Variants in FBXO28 observed in about 807,000 individuals in gnomAD.
The protein encoded by FBXO28 is F-box protein 28, also known as F-box only protein 28.
Under a neutral mutation model 38.1 loss-of-function variants are expected in FBXO28, and 8 were observed. The ratio of observed to expected loss-of-function variants is 0.21; its 90% CI spans 0.12 to 0.38. The LOEUF is 0.38. FBXO28 is among the 10% of genes least tolerant of loss of function. The pLI, the probability that FBXO28 is intolerant of heterozygous loss-of-function variation, is 1.00. For missense variants in FBXO28, 345 were observed against 460.6 expected (o/e 0.75, Z 2.30); for synonymous variants, 168 against 173.8 (o/e 0.97, Z 0.26).
At position 224,114,365 on chromosome 1, in the gene FBXO28, T is replaced by A. The variant is rs969332753; in HGVS notation, c.236T>A (p.Met79Lys). ...IVAIENILSF[M>K]SYDEISQLRL... Reference sequence around the variant, plus strand: ...GCCATCGAGAACATCCTCAGCTTTATGTCCTACGACGAAATTAGCCAGCTC... The same window carrying A: ...GCCATCGAGAACATCCTCAGCTTTAAGTCCTACGACGAAATTAGCCAGCTC... Residue 79 changes from methionine (M) to lysine (K), a missense_variant, in exon 1 of 5, where the codon ATG (methionine) becomes AAG (lysine). Around this residue, in one of 6 missense-constraint regions of FBXO28, gnomAD observed 56 missense variants for 99.8 expected, o/e 0.56. Coordinates refer to ENST00000366862, the MANE Select transcript of FBXO28 (RefSeq NM_015176.4). The A allele has an allele frequency of 4.4e-6, 7 of 1,597,404 alleles. No homozygotes were observed. The highest frequency in any genetic ancestry group is 6.0e-6 in the Non-Finnish European group (7 of 1,171,642).
Position 224,130,587 on chromosome 1 carries a change from T to C in FBXO28, c.377+6T>C, listed in dbSNP as rs748611739. 2.5e-6 allele frequency: 4 copies of C among 1,580,364 alleles called. No homozygotes were observed. Among genetic ancestry groups the C allele is most frequent in the Non-Finnish European group, 2.6e-6 (3 of 1,150,062 alleles). ...GTTAAAGCACAACTCCCAAGGTATG[T>C]TGTGGGTGGCAATGACAATGATGTA... is the stretch of plus-strand genomic sequence containing the variant. On this transcript the variant is annotated splice_donor_region_variant and intron_variant, in intron 2 of 4. Coordinates refer to ENST00000366862, the MANE Select transcript of FBXO28 (RefSeq NM_015176.4).
chr1:224,120,988 T>C (rs1373760429), intron 1 of FBXO28, among the ~76,000 whole-genome samples: 2 of 152,028 alleles, frequency 1.3e-5, no homozygotes, highest in African/African-American at 4.8e-5. Flanking sequence ...GAGAGGAGAT[T>C]AGAACTTTTT....
chr1:224,147,361 T>G (rs1407670453), intron 3 of FBXO28, among the ~76,000 whole-genome samples: 2 of 148,898 alleles, frequency 1.3e-5, no homozygotes, highest in Admixed American at 6.8e-5. Flanking sequence ...AGGCAGAGGT[T>G]GCAGTGAGCC....
At chr1:224,136,218 T>A (rs139892951) in intron 3 of FBXO28, among the ~76,000 whole-genome samples, 85 of 150,604 alleles carry the variant, frequency 5.6e-4, no homozygotes, top group Admixed American at 9.3e-4. Flanking sequence ...ATTATTTGGA[T>A]TGTTTTATGA....
At position 224,158,128 on chromosome 1, in the gene FBXO28, T is replaced by C; in HGVS notation, c.*382T>C. On this transcript the variant is annotated 3_prime_UTR_variant, in exon 5 of 5. Transcript: ENST00000366862. ...TTAATACAGAAAATGTCCTGTTCACTTGAAAGAAAAGACCTACTTTTTAAA... is the reference window on the plus strand; with the variant it reads ...TTAATACAGAAAATGTCCTGTTCACCTGAAAGAAAAGACCTACTTTTTAAA... 1.1e-5 allele frequency: 11 copies of C among 994,390 alleles called. No individual in the cohort carries two copies. Among genetic ancestry groups the C allele is most frequent in the Non-Finnish European group, 1.3e-5 (11 of 836,158 alleles). The allele number at this position is 994,390 out of a possible 1,614,324, so 61.6% of individuals were successfully genotyped here.
At chr1:224,120,028 C>T (rs1394419024) in intron 1 of FBXO28, among the ~76,000 whole-genome samples, 2 of 152,114 alleles carry the variant, frequency 1.3e-5, no homozygotes, top group East Asian at 3.8e-4. Flanking sequence ...ACTTCCGTCT[C>T]GTATCATCAT....
chr1:224,116,020 A>G (rs1020409369), intron 1 of FBXO28, among the ~76,000 whole-genome samples: 8 of 152,228 alleles, frequency 5.3e-5, no homozygotes, highest in Non-Finnish European at 1.2e-4. Flanking sequence ...ATTCAGCTGC[A>G]TTCTTAATTT....
At chr1:224,146,530 C>T (rs1213579498) in intron 3 of FBXO28, among the ~76,000 whole-genome samples, 3 of 151,936 alleles carry the variant, frequency 2.0e-5, no homozygotes, top group East Asian at 3.9e-4. Context: ...TAGACATAAG[C>T]GTGGTACTTC....
Position 224,120,934 on chromosome 1 carries a change from C to T in FBXO28, c.267+6538C>T, listed in dbSNP as rs536968119. On this transcript the variant is annotated intron_variant, in intron 1 of 4. Coordinates refer to ENST00000366862, the MANE Select transcript of FBXO28 (RefSeq NM_015176.4). ...GTAAGATAAATGTTTTCTGTATAAACTATAATAGTGTTACAAAATCAGTTG... is the reference window on the plus strand; with the variant it reads ...GTAAGATAAATGTTTTCTGTATAAATTATAATAGTGTTACAAAATCAGTTG... Among the ~76,000 whole-genome samples the T allele has an allele frequency of 4.4e-4, 66 of 149,642 alleles. 1 individual carries two copies. The highest frequency in any genetic ancestry group is 1.6e-3 in the African/African-American group (66 of 40,962).
chr1:224,136,444 C>T (rs955008425), intron 3 of FBXO28, among the ~76,000 whole-genome samples: 6 of 151,770 alleles, frequency 4.0e-5, no homozygotes, highest in Non-Finnish European at 7.4e-5. Context: ...AAAGTTTAGG[C>T]CGGGCGCGGT....
intron 1 of FBXO28, among the ~76,000 whole-genome samples, chr1:224,120,339 T>A (rs2102609344): frequency 6.6e-6 from 1 of 152,348 alleles, no homozygotes; most frequent in South Asian, 2.1e-4. Flanking sequence ...AAAATATTTG[T>A]ACCTTTGGCA....
intron 2 of FBXO28, 164 bp downstream of exon 2, chr1:224,130,745 T>A (rs1657020373): frequency 1.9e-6 from 1 of 519,352 alleles, no homozygotes; most frequent in Non-Finnish European, 3.4e-6. Context: ...TCTCACCGTT[T>A]GTGATCAACA....
chr1:224,123,216 T>C (rs538010941), intron 1 of FBXO28, among the ~76,000 whole-genome samples: 1 of 152,244 alleles, frequency 6.6e-6, no homozygotes, highest in East Asian at 1.9e-4. Context: ...ATTTTGGTTC[T>C]CTGTTTATCT....
At chr1:224,120,811 C>T (rs1172624330) in intron 1 of FBXO28, among the ~76,000 whole-genome samples, 2 of 150,022 alleles carry the variant, frequency 1.3e-5, no homozygotes, top group African/African-American at 2.5e-5. Context: ...TGCAGTGAGC[C>T]GAGATCATGC....
intron 1 of FBXO28, among the ~76,000 whole-genome samples, chr1:224,116,475 T>C (rs1417369551): frequency 6.6e-6 from 1 of 152,170 alleles, no homozygotes; most frequent in Non-Finnish European, 1.5e-5. Flanking sequence ...ATCTGACATA[T>C]AAGTTACGTA....
chr1:224,114,870 A>G (rs1398816021), intron 1 of FBXO28, among the ~76,000 whole-genome samples: 1 of 152,198 alleles, frequency 6.6e-6, no homozygotes, highest in Non-Finnish European at 1.5e-5. Flanking sequence ...CCAACCACCC[A>G]AGTTTTCTTG....
intron 1 of FBXO28, among the ~76,000 whole-genome samples, chr1:224,128,064 C>T (rs1414435023): frequency 6.6e-6 from 1 of 151,976 alleles, no homozygotes; most frequent in African/African-American, 2.4e-5. Context: ...AGCTTCAACC[C>T]AGTTTGCCAG....
chr1:224,131,056 A>C (rs10157771), intron 2 of FBXO28: 19,103 of 152,392 alleles, frequency 0.13, 1,209 homozygotes, highest in South Asian at 0.17. Flanking sequence ...TAACAAAAGC[A>C]CAAGACTTGT....
At position 224,159,839 on chromosome 1, in the gene FBXO28, T is replaced by C. The variant is rs1350744151; in HGVS notation, c.*2093T>C. 2 of 152,218 alleles carry C rather than the reference T, an allele frequency of 1.3e-5. No individual in the cohort carries two copies. Among genetic ancestry groups the C allele is most frequent in the Non-Finnish European group, 2.9e-5 (2 of 68,042 alleles). The allele number at this position is 152,218 out of a possible 1,614,324, so 9.4% of individuals were successfully genotyped here. A position where few individuals can be genotyped will look rare whatever the true frequency, so the allele number is the denominator to read the frequency against. ...AACTATTAAAAATTTCCTGAATTTC[T>C]TTTTAAACTACATCTAGATAGCCTA... is the stretch of plus-strand genomic sequence containing the variant. On this transcript the variant is annotated 3_prime_UTR_variant, in exon 5 of 5. Transcript: ENST00000366862.
Sources: gnomAD v4.1 joint callset for allele counts (sites outside exome capture counted in the v4.1 genomes callset) on GRCh38, gnomAD v4.1.1 for gene constraint, gnomAD v4.1.1 regional missense constraint, MANE v1.5 for transcripts, NCBI Gene and HGNC (gene_info 2026-07-23, HGNC 2026-07-21) for gene names.